The following EXOC4 variants were observed in gnomAD, a reference collection of about 807,000 sequenced individuals.
The protein encoded by EXOC4 is SEC8-like 1.
A neutral mutation model predicts 107.2 loss-of-function variants in EXOC4; 71 were observed. The ratio of observed to expected loss-of-function variants is 0.66; its 90% confidence interval spans 0.55 to 0.81. The LOEUF is 0.81. Ranked by LOEUF, EXOC4 falls within the 30% of genes least tolerant of loss-of-function variation. EXOC4 has a pLI of 0.00. For synonymous variants in EXOC4, 456 were observed against 441.2 expected, an observed-to-expected ratio of 1.03 and a Z score of -0.42; for missense variants, 1,108 against 1,189.6, an observed-to-expected ratio of 0.93 and a Z score of 1.01.
intron 14 of EXOC4, among the ~76,000 whole-genome samples, chr7:133,963,234 G>T (rs571117286): frequency 6.6e-6 from 1 of 152,304 alleles, no homozygotes; most frequent in African/African-American, 2.4e-5. Context: ...TTTTGTTTTG[G>T]TGGGGCAGAG....
At chr7:133,798,831 C>T (rs1796870875) in intron 10 of EXOC4, among the ~76,000 whole-genome samples, 1 of 152,144 alleles carries the variant, frequency 6.6e-6, no homozygotes, top group Non-Finnish European at 1.5e-5. Flanking sequence ...TCCCTCTACT[C>T]AGAGACATGA....
chr7:133,818,694 A>G (rs1269602263), intron 11 of EXOC4, among the ~76,000 whole-genome samples: 1 of 152,056 alleles, frequency 6.6e-6, no homozygotes, highest in Non-Finnish European at 1.5e-5. Context: ...TCTGCTGGAT[A>G]TCTCTTCCGG....
chr7:133,954,478 A>T (rs1178803893), intron 14 of EXOC4, among the ~76,000 whole-genome samples: 2 of 152,220 alleles, frequency 1.3e-5, no homozygotes, highest in Admixed American at 1.3e-4. Flanking sequence ...TTATATTTTT[A>T]AACTTATATA....
intron 9 of EXOC4, among the ~76,000 whole-genome samples, chr7:133,489,348 C>A (rs1799328637): frequency 6.6e-6 from 1 of 152,080 alleles, no homozygotes; most frequent in South Asian, 2.1e-4. Flanking sequence ...CAGATATAAA[C>A]AATTTTTTAA....
intron 11 of EXOC4, among the ~76,000 whole-genome samples, chr7:133,831,934 C>T (rs748235267): frequency 7.2e-5 from 11 of 152,188 alleles, no homozygotes; most frequent in East Asian, 1.9e-4. Context: ...AGCCTCCTCT[C>T]GGTTAGGTGT....
chr7:133,700,087 C>T (rs1368383307), intron 10 of EXOC4, among the ~76,000 whole-genome samples: 4 of 152,118 alleles, frequency 2.6e-5, no homozygotes, highest in African/African-American at 9.7e-5. Context: ...GACACTATTG[C>T]TTCCAAGAAA....
chr7:133,952,268 G>T (rs951933996), intron 14 of EXOC4, among the ~76,000 whole-genome samples: 7 of 152,188 alleles, frequency 4.6e-5, no homozygotes, highest in Non-Finnish European at 8.8e-5. Flanking sequence ...CTGGGACTCA[G>T]ACCTTTTAAC....
intron 13 of EXOC4, among the ~76,000 whole-genome samples, chr7:133,931,462 T>C (rs573957755): frequency 1.3e-5 from 2 of 152,268 alleles, no homozygotes; most frequent in Non-Finnish European, 1.5e-5. Flanking sequence ...ATATTGGCAA[T>C]TGAAAATTAC....
intron 11 of EXOC4, among the ~76,000 whole-genome samples, chr7:133,823,683 G>C (rs1797579878): frequency 6.7e-6 from 1 of 149,414 alleles, no homozygotes. Flanking sequence ...AGGTGTGGTG[G>C]TAAGTACCTG....
At chr7:133,324,200 C>G (rs1437648503) in intron 5 of EXOC4, among the ~76,000 whole-genome samples, 1 of 151,954 alleles carries the variant, frequency 6.6e-6, no homozygotes. Context: ...TTTTTTTGGT[C>G]TCTCTTTTCT....
intron 10 of EXOC4, among the ~76,000 whole-genome samples, chr7:133,735,264 G>A (rs1182353669): frequency 7.2e-6 from 1 of 138,696 alleles, no homozygotes; most frequent in African/African-American, 2.6e-5. Context: ...TTAAAGTACG[G>A]TTTGGTGTTT....
chr7:133,525,628 A>G (rs1800064724), intron 9 of EXOC4, among the ~76,000 whole-genome samples: 2 of 152,208 alleles, frequency 1.3e-5, no homozygotes, highest in Admixed American at 6.5e-5. Context: ...AAGGAAACCC[A>G]CTATATTGAA....
Position 133,917,611 on chromosome 7 carries a change from G to GCAC in EXOC4, c.1900_1901insCAC (p.Val634delinsAlaLeu), listed in dbSNP as rs1380419396. On this transcript the variant is annotated protein_altering_variant, in exon 13 of 18. Coordinates refer to ENST00000253861, the MANE Select transcript of EXOC4 (RefSeq NM_021807.4). ...TATTGTCCAGTCAGAAGAAAAACTT[G>GCAC]TCATCAGTGCATCCTGGGCAAAAGA... The GCAC allele has an allele frequency of 3.1e-6, 5 of 1,613,890 alleles. No homozygotes were observed. Among genetic ancestry groups the GCAC allele is most frequent in the Non-Finnish European group, 4.2e-6 (5 of 1,179,998 alleles).
At chr7:133,818,332 A>G (rs1797425564) in intron 11 of EXOC4, among the ~76,000 whole-genome samples, 1 of 152,206 alleles carries the variant, frequency 6.6e-6, no homozygotes, top group South Asian at 2.1e-4. Context: ...ATTGTACAAT[A>G]TGAGACTATT....
At position 133,658,845 on chromosome 7, in the gene EXOC4, A is replaced by C. The variant is rs1803363399; in HGVS notation, c.1514+28704A>C. Among the ~76,000 whole-genome samples, 2 of 152,136 alleles carry C rather than the reference A, an allele frequency of 1.3e-5. 1 individual carries two copies. The highest frequency in any genetic ancestry group is 4.1e-4 in the South Asian group (2 of 4,830). On this transcript the variant is annotated intron_variant, in intron 10 of 17. Coordinates refer to ENST00000253861, the MANE Select transcript of EXOC4 (RefSeq NM_021807.4). ...TTTAATCTCAATGCATAGTTTATGG[A>C]GAGACTAGTGTACCTGGAACAGTGG... is the stretch of plus-strand genomic sequence containing the variant.
At chr7:134,032,232 T>A (rs919128013) in intron 17 of EXOC4, among the ~76,000 whole-genome samples, 6 of 152,198 alleles carry the variant, frequency 3.9e-5, no homozygotes, top group African/African-American at 1.4e-4. Flanking sequence ...GAAAGTGATT[T>A]TCAATATATT....
At position 133,953,223 on chromosome 7, in the gene EXOC4, G is replaced by A. The variant is rs139498825; in HGVS notation, c.2206+15154G>A. On this transcript the variant is annotated intron_variant, in intron 14 of 17. Transcript: ENST00000253861. ...AGCACTTTGGGAAGCCAAGGTGGGC[G>A]GATCACTTGAGGTCAAGAGTTTGCT... 8.5e-5 allele frequency among the ~76,000 whole-genome samples: 13 copies of A among 152,202 alleles called. No homozygotes were observed. In the East Asian group the frequency reaches 1.7e-3, roughly 20 times the overall value.
intron 10 of EXOC4, among the ~76,000 whole-genome samples, chr7:133,778,178 T>C (rs1796385185): frequency 6.6e-6 from 1 of 152,230 alleles, no homozygotes; most frequent in South Asian, 2.1e-4. Flanking sequence ...CCATCCATCC[T>C]ACTCCATCTC....
chr7:133,394,915 G>GA (rs916372165), intron 7 of EXOC4, among the ~76,000 whole-genome samples: 3 of 144,266 alleles, frequency 2.1e-5, no homozygotes, highest in African/African-American at 2.5e-5. Flanking sequence ...ATGTAAAAAA[G>GA]AAAAAAAAAG....
Sources: gnomAD v4.1 joint callset for allele counts (sites outside exome capture counted in the v4.1 genomes callset) on GRCh38, gnomAD v4.1.1 for gene constraint, MANE v1.5 for transcripts, NCBI Gene and HGNC (gene_info 2026-07-23, HGNC 2026-07-21) for gene names.